RPS6KA3: variants seen among roughly 807,000 people sequenced by gnomAD.
RPS6KA3 encodes ribosomal protein S6 kinase alpha-3.
A neutral mutation model predicts 67.2 loss-of-function variants in RPS6KA3; 4 were observed. The observed-to-expected ratio is 0.06, with a 90% CI of 0.03 to 0.14. The LOEUF (loss-of-function observed/expected upper bound fraction) is 0.14, where lower values mean the gene tolerates loss of function less well. Among genes scored for constraint, RPS6KA3 ranks in the 10% least tolerant of loss-of-function variants. RPS6KA3 has a pLI of 1.00. For missense variants in RPS6KA3, 204 were observed against 559.0 expected, an observed-to-expected ratio of 0.36 and a Z score of 6.40; for synonymous variants, 182 against 183.7, an observed-to-expected ratio of 0.99 and a Z score of 0.07.
chrX:20,213,560 T>C (rs1400507878), intron 2 of RPS6KA3, among the ~76,000 whole-genome samples: 1 of 111,571 alleles, frequency 9.0e-6, no homozygotes, highest in Non-Finnish European at 1.9e-5. Flanking sequence ...CTGCTAGCTG[T>C]ATGTAATTTT....
intron 1 of RPS6KA3, among the ~76,000 whole-genome samples, chrX:20,242,818 A>G (rs2069585370): frequency 9.0e-6 from 1 of 110,999 alleles, no homozygotes; most frequent in Admixed American, 9.6e-5. Context: ...TGTTTATCGG[A>G]GGGTGGTTAG....
intron 3 of RPS6KA3, among the ~76,000 whole-genome samples, chrX:20,204,594 G>A (rs1237912659): frequency 1.8e-5 from 2 of 111,871 alleles, no homozygotes; most frequent in African/African-American, 3.3e-5. Context: ...ACTGCTCAGC[G>A]GAACAATTTA....
chrX:20,161,623 A>G (rs1169714864), intron 20 of RPS6KA3, 21 bp downstream of exon 20: 2 of 854,884 alleles, frequency 2.3e-6, no homozygotes, highest in Admixed American at 4.6e-5. Flanking sequence ...TCAAAATCTT[A>G]TAATAGGAAG....
intron 6 of RPS6KA3, 51 bp downstream of exon 6, chrX:20,194,138 G>A (rs2068211201): frequency 1.3e-6 from 1 of 773,169 alleles, no homozygotes; most frequent in Admixed American, 2.3e-5. Flanking sequence ...CAAAGCTTTA[G>A]TTCAAACAGG....
chrX:20,267,083 G>T, upstream of RPS6KA3: 1 of 754,977 alleles, frequency 1.3e-6, no homozygotes, highest in Non-Finnish European at 1.6e-6. Flanking sequence ...ACCGCCGCGC[G>T]CACCCAGGGG....
chrX:20,201,011 G>T lies in RPS6KA3; in HGVS notation c.325+3011C>A, dbSNP rs574166801. Among the ~76,000 whole-genome samples the T allele has an allele frequency of 6.3e-5, 7 of 111,575 alleles. No individual in the cohort carries two copies. The East Asian group carries it at 2.0e-3, about 31-fold the overall frequency. On this transcript the variant is annotated intron_variant, in intron 4 of 21. Transcript: ENST00000379565. ...ATTCCTCTAGTTTTCCAGTGTGTAT[G>T]TGATTTCTAACTTCTTGCTATTATA...
chrX:20,234,858 A>G (rs763256888), intron 1 of RPS6KA3, 44 bp from the exon 2 acceptor site: 17 of 1,018,866 alleles, frequency 1.7e-5, no homozygotes, highest in Non-Finnish European at 2.1e-5. Flanking sequence ...AACAGACCTC[A>G]CATCAGTTAA....
chrX:20,200,829 C>A (rs2068412703), intron 4 of RPS6KA3, among the ~76,000 whole-genome samples: 1 of 110,806 alleles, frequency 9.0e-6, no homozygotes, highest in Non-Finnish European at 1.9e-5. Context: ...ACGACAGGCA[C>A]ACGCCACCAG....
At chrX:20,203,246 A>G (rs913079998) in intron 4 of RPS6KA3, 2 of 105,837 alleles carry the variant, frequency 1.9e-5, no homozygotes, top group Middle Eastern at 4.8e-3. Flanking sequence ...TTTTAAATCT[A>G]TATTTCTTCT....
At chrX:20,240,803 T>C (rs190787805) in intron 1 of RPS6KA3, 1 of 110,709 alleles carries the variant, frequency 9.0e-6, no homozygotes, top group East Asian at 2.8e-4. Flanking sequence ...ATGCAAAAAA[T>C]ATGCTTGCAA....
At chrX:20,252,443 T>TC (rs749109269) in intron 1 of RPS6KA3, among the ~76,000 whole-genome samples, 1 of 109,969 alleles carries the variant, frequency 9.1e-6, no homozygotes, top group Non-Finnish European at 1.9e-5. Context: ...CAGGCAGTCC[T>TC]CCTGTTGAGG....
At chrX:20,242,665 T>C (rs1283511313) in intron 1 of RPS6KA3, among the ~76,000 whole-genome samples, 2 of 112,282 alleles carry the variant, frequency 1.8e-5, no homozygotes, top group Admixed American at 1.9e-4. Context: ...GTAAGAAATG[T>C]AAAGTTTAAA....
At chrX:20,175,018 T>C in intron 14 of RPS6KA3, 146 bp downstream of exon 14, 1 of 586,603 alleles carries the variant, frequency 1.7e-6, no homozygotes, top group Non-Finnish European at 2.8e-6. Context: ...CCTCCCAAAG[T>C]GCTGGGATTA....
In RPS6KA3 at chrX:20,240,942, C is replaced by G. The variant is rs769092649; in HGVS notation, c.70-6128G>C. On this transcript the variant is annotated intron_variant, in intron 1 of 21. Transcript: ENST00000379565. ...TATCAGTCGTTACCTGGGTCACAGG[C>G]TTTTCTTCTTTGTAATGTATTTTCA... Among the ~76,000 whole-genome samples, 107 of 111,157 alleles carry G rather than the reference C, an allele frequency of 9.6e-4. 1 individual carries two copies. Among genetic ancestry groups the G allele is most frequent in the African/African-American group, 3.2e-3 (97 of 30,680 alleles).
In RPS6KA3 at chrX:20,162,934, A is replaced by G. The variant is rs770712786; in HGVS notation, c.1841+30T>C. ...GCAAAACATTGATGAACAAATGCTT[A>G]GGTGCTTAGAACATATGGTATACAC... On this transcript the variant is annotated intron_variant, in intron 19 of 21. Coordinates refer to ENST00000379565, the MANE Select transcript of RPS6KA3 (RefSeq NM_004586.3). 4.4e-6 allele frequency: 4 copies of G among 915,121 alleles called. No homozygotes were observed. The Admixed American group carries it at 8.8e-5, about 20-fold the overall frequency. The allele number at this position is 915,121 out of a possible 1,213,427, so 75.4% of individuals were successfully genotyped here. A position where few individuals can be genotyped will look rare whatever the true frequency, so the allele number is the denominator to read the frequency against.
At chrX:20,198,999 G>T (rs1443759687) in intron 4 of RPS6KA3, among the ~76,000 whole-genome samples, 1 of 110,904 alleles carries the variant, frequency 9.0e-6, no homozygotes, top group Admixed American at 9.6e-5. Flanking sequence ...AGGCTCCTGA[G>T]TAGCTGAGAT....
chrX:20,233,507 G>A (rs2069326292), intron 2 of RPS6KA3, among the ~76,000 whole-genome samples: 1 of 111,193 alleles, frequency 9.0e-6, no homozygotes, highest in Admixed American at 9.5e-5. Flanking sequence ...GGGAGGATGA[G>A]GCAGGAGGAT....
chrX:20,230,748 G>A (rs1281578197), intron 2 of RPS6KA3, among the ~76,000 whole-genome samples: 1 of 111,197 alleles, frequency 9.0e-6, no homozygotes, highest in Non-Finnish European at 1.9e-5. Flanking sequence ...CTGACATAAC[G>A]TTCATGACAA....
intron 2 of RPS6KA3, among the ~76,000 whole-genome samples, chrX:20,212,798 A>C (rs1373906706): frequency 9.0e-6 from 1 of 111,505 alleles, no homozygotes; most frequent in Non-Finnish European, 1.9e-5. Flanking sequence ...CCACATACCG[A>C]AACACTTACT....
Sources: allele counts gnomAD v4.1 joint callset (sites outside exome capture counted in the v4.1 genomes callset), GRCh38; gene constraint gnomAD v4.1.1; transcripts MANE v1.5; gene names NCBI Gene and HGNC (gene_info 2026-07-23, HGNC 2026-07-21).